Variants in TMEM232 observed in about 807,000 individuals in gnomAD.
TMEM232 encodes transmembrane protein 232.
In TMEM232, 80 loss-of-function variants were observed where a neutral mutation model predicts 78.8. That is an observed-to-expected ratio of 1.01 (90% CI 0.85 to 1.22). The LOEUF is 1.22. Ranked by LOEUF, TMEM232 falls within the 50% of genes most tolerant of loss-of-function variation. The pLI, the probability that TMEM232 is intolerant of heterozygous loss-of-function variation, is 0.00. For synonymous variants in TMEM232, 297 were observed against 254.3 expected (o/e 1.17, Z -1.60); for missense variants, 881 against 742.2 (o/e 1.19, Z -2.17).
chr5:110,435,398 G>C (rs1445025924), intron 12 of TMEM232, among the ~76,000 whole-genome samples: 2 of 150,418 alleles, frequency 1.3e-5, no homozygotes, highest in African/African-American at 5.0e-5. Context: ...AGATATTTTG[G>C]TACAGGCATG....
intron 10 of TMEM232, among the ~76,000 whole-genome samples, chr5:110,597,105 T>C (rs973152444): frequency 6.6e-6 from 1 of 152,082 alleles, no homozygotes; most frequent in African/African-American, 2.4e-5. Context: ...TGATTGTATA[T>C]CTAGAAAACC....
intron 12 of TMEM232, among the ~76,000 whole-genome samples, chr5:110,478,539 A>C (rs1175698826): frequency 2.0e-5 from 3 of 151,922 alleles, no homozygotes; most frequent in Non-Finnish European, 4.4e-5. Context: ...CAGTTTTCCA[A>C]CATATTTTGC....
chr5:110,710,586 C>T (rs2150311426), intron 1 of TMEM232, among the ~76,000 whole-genome samples: 1 of 152,190 alleles, frequency 6.6e-6, no homozygotes, highest in South Asian at 2.1e-4. Flanking sequence ...AAAGATGCTT[C>T]CATGTATGCA....
intron 12 of TMEM232, among the ~76,000 whole-genome samples, chr5:110,433,886 T>A (rs1033617077): frequency 3.9e-5 from 6 of 152,114 alleles, no homozygotes; most frequent in African/African-American, 1.4e-4. Context: ...TTTGCTAGTA[T>A]TCTGCTGAGG....
chr5:110,424,880 T>G lies in TMEM232; in HGVS notation c.1740A>C (p.Pro580=). The G allele has an allele frequency of 6.5e-7, 1 of 1,550,362 alleles. No individual in the cohort carries two copies. Among genetic ancestry groups the G allele is most frequent in the South Asian group, 1.2e-5 (1 of 83,926 alleles). The change falls in exon 13 of 14, where the codon CCA becomes CCC. Residue 580 remains proline, a synonymous_variant. Transcript: ENST00000455884. ...CTGCCTTGGTGAAGAAATCTGGATA[T>G]GGAAACATGGGAATTTCTGATACAG... ...HPSVSEIPMF[P]YPDFFTKADK... is the part of the protein sequence containing the mutation.
At chr5:110,532,755 G>A (rs186583262) in intron 11 of TMEM232, among the ~76,000 whole-genome samples, 24 of 151,748 alleles carry the variant, frequency 1.6e-4, no homozygotes, top group African/African-American at 3.4e-4. Flanking sequence ...ACTCTACCCC[G>A]TCCTTGGCGA....
chr5:110,482,051 G>A (rs1177498228), intron 12 of TMEM232, among the ~76,000 whole-genome samples: 3 of 151,906 alleles, frequency 2.0e-5, no homozygotes, highest in Non-Finnish European at 4.4e-5. Flanking sequence ...ATTAAACCAA[G>A]AATCATAATA....
At chr5:110,510,075 C>T (rs1424101290) in intron 12 of TMEM232, among the ~76,000 whole-genome samples, 2 of 152,044 alleles carry the variant, frequency 1.3e-5, no homozygotes, top group Non-Finnish European at 2.9e-5. Context: ...AAAATTCTAC[C>T]AGAGGCCTGT....
intron 12 of TMEM232, among the ~76,000 whole-genome samples, chr5:110,493,819 A>C (rs1206153302): frequency 6.6e-6 from 1 of 151,692 alleles, no homozygotes. Flanking sequence ...TCTGGGGTGC[A>C]TGTGCAGAAC....
At chr5:110,735,642 A>C (rs1469195303) in intron 1 of TMEM232, among the ~76,000 whole-genome samples, 1 of 152,170 alleles carries the variant, frequency 6.6e-6, no homozygotes, top group Non-Finnish European at 1.5e-5. Context: ...GGTTGGACTT[A>C]GTGACTCTCT....
chr5:110,520,836 T>C (rs1769393252), intron 12 of TMEM232, among the ~76,000 whole-genome samples: 1 of 152,156 alleles, frequency 6.6e-6, no homozygotes, highest in Admixed American at 6.5e-5. Context: ...GAGAATCTCT[T>C]GAACCCAAGA....
chr5:110,418,623 A>G (rs1756367470), downstream of TMEM232, among the ~76,000 whole-genome samples: 1 of 152,182 alleles, frequency 6.6e-6, no homozygotes, highest in Non-Finnish European at 1.5e-5. Context: ...GTTACTTTAA[A>G]AAAAGGCATG....
intron 10 of TMEM232, among the ~76,000 whole-genome samples, chr5:110,574,990 C>G (rs936849780): frequency 2.6e-5 from 4 of 151,898 alleles, no homozygotes; most frequent in Non-Finnish European, 5.9e-5. Context: ...CCCAAACTTG[C>G]AGCTGGTGTC....
intron 1 of TMEM232, among the ~76,000 whole-genome samples, chr5:110,723,556 G>A (rs1224343042): frequency 1.3e-5 from 2 of 152,074 alleles, no homozygotes; most frequent in Non-Finnish European, 2.9e-5. Context: ...CTCAAAATCT[G>A]TATAGACTGT....
chr5:110,408,041 A>G (rs527727171), intron 2 of TMEM232, among the ~76,000 whole-genome samples: 5 of 152,302 alleles, frequency 3.3e-5, no homozygotes, highest in African/African-American at 9.6e-5. Context: ...GAAAATGGAA[A>G]TACAACACAC....
chr5:110,464,671 A>G (rs746591370), intron 12 of TMEM232, among the ~76,000 whole-genome samples: 4 of 152,236 alleles, frequency 2.6e-5, no homozygotes, highest in African/African-American at 4.8e-5. Context: ...AGTTTATGGG[A>G]AAAGCTGTTC....
intron 2 of TMEM232, among the ~76,000 whole-genome samples, chr5:110,733,048 T>C (rs1441776375): frequency 1.3e-5 from 2 of 152,142 alleles, no homozygotes; most frequent in Non-Finnish European, 2.9e-5. Context: ...AAGACATACA[T>C]GTGGCCAACA....
At chr5:110,388,598 T>G (rs188611417) in intron 4 of TMEM232, among the ~76,000 whole-genome samples, 1 of 152,228 alleles carries the variant, frequency 6.6e-6, no homozygotes, top group Admixed American at 6.5e-5. Context: ...TCATGCACTA[T>G]GCATATGGGC....
intron 11 of TMEM232, among the ~76,000 whole-genome samples, chr5:110,539,953 A>G (rs1772892633): frequency 6.6e-6 from 1 of 152,188 alleles, no homozygotes; most frequent in Non-Finnish European, 1.5e-5. Context: ...TTGGGGGAAT[A>G]GCCAGGTTTT....
Sources: gnomAD v4.1 joint callset for allele counts (sites outside exome capture counted in the v4.1 genomes callset) on GRCh38, gnomAD v4.1.1 for gene constraint, MANE v1.5 for transcripts, NCBI Gene and HGNC (gene_info 2026-07-23, HGNC 2026-07-21) for gene names.